Variants in LYST observed in about 807,000 individuals in gnomAD.
The protein encoded by LYST is lysosomal trafficking regulator, also known as lysosomal-trafficking regulator.
A neutral mutation model predicts 413.6 loss-of-function variants in LYST; 192 were observed. That is an observed-to-expected ratio of 0.46 (90% CI 0.41 to 0.52). The LOEUF is 0.52. LYST is among the 20% of genes least tolerant of loss of function. The pLI, the probability that LYST is intolerant of heterozygous loss-of-function variation, is 0.00. For missense variants in LYST, 3,815 were observed against 4,499.9 expected (o/e 0.85, Z 4.35); for synonymous variants, 1,525 against 1,567.3 (o/e 0.97, Z 0.64).
intron 1 of LYST, among the ~76,000 whole-genome samples, chr1:235,852,167 T>C (rs1225098208): frequency 6.6e-6 from 1 of 152,164 alleles, no homozygotes; most frequent in African/African-American, 2.4e-5. Context: ...ATACTAACAT[T>C]GGGACAGCTT....
intron 1 of LYST, 98 bp downstream of exon 1, chr1:235,866,745 A>C (rs3738521): frequency 6.6e-6 from 1 of 151,802 alleles, no homozygotes; most frequent in African/African-American, 2.4e-5. Context: ...CCAGGCTGAC[A>C]GCCACCAGCC....
chr1:235,846,964 A>G (rs974804417), intron 1 of LYST, among the ~76,000 whole-genome samples: 2 of 152,180 alleles, frequency 1.3e-5, no homozygotes, highest in Non-Finnish European at 2.9e-5. Context: ...TGGGTGGATA[A>G]TTGAGGAAAA....
chr1:235,880,958 T>C (rs896945786), intron 1 of LYST, among the ~76,000 whole-genome samples: 8 of 152,050 alleles, frequency 5.3e-5, no homozygotes, highest in African/African-American at 1.9e-4. Context: ...AAACCCCATC[T>C]CTACAAAAAA....
chr1:235,787,604 C>T (rs1670558578), intron 13 of LYST, among the ~76,000 whole-genome samples: 1 of 151,864 alleles, frequency 6.6e-6, no homozygotes, highest in African/African-American at 2.4e-5. Flanking sequence ...GGCTGGTAGT[C>T]ATAATTTAGG....
intron 40 of LYST, among the ~76,000 whole-genome samples, chr1:235,717,213 G>T (rs1012265834): frequency 6.6e-6 from 1 of 152,156 alleles, no homozygotes; most frequent in African/African-American, 2.4e-5. Context: ...AACAGAGGAA[G>T]ATGCTGTGTT....
intron 38 of LYST, among the ~76,000 whole-genome samples, chr1:235,726,113 T>C (rs910052879): frequency 3.3e-5 from 5 of 152,332 alleles, no homozygotes; most frequent in African/African-American, 1.2e-4. Context: ...TAGTTTTCTT[T>C]TTTAAATCAG....
chr1:235,751,302 G>A lies in LYST; in HGVS notation c.7688C>T (p.Thr2563Ile), dbSNP rs761280851. The change falls in exon 28 of 53, where the codon ACC (threonine) becomes ATC (isoleucine). Residue 2563 changes from threonine (T) to isoleucine (I), a missense_variant. Thr to Ile is a moderately conservative substitution (Grantham distance 89). Coordinates refer to ENST00000389793, the MANE Select transcript of LYST (RefSeq NM_000081.4). The stretch of plus-strand genomic sequence containing the variant: ...GAGGTTTTCAGAGTCATGATTTGCG[G>A]TGGTCCTTATAAATTCCATAGCAGC... ...LQAAMEFIRT[T>I]ANHDSENLTD... 33 of 1,613,454 alleles carry A rather than the reference G, an allele frequency of 2.0e-5. No individual in the cohort carries two copies. Among genetic ancestry groups the A allele is most frequent in the Middle Eastern group, 1.6e-4 (1 of 6,076 alleles).
At position 235,715,426 on chromosome 1, in the gene LYST, T is replaced by C. The variant is rs1662750897; in HGVS notation, c.9628-69A>G. On this transcript the variant is annotated intron_variant, in intron 41 of 52. Transcript: ENST00000389793. ...CAGGCAACGCTAGAAAAGTGCTGGA[T>C]GTTTTTTTTTCTCTCCTTCTCTACT... 19 of 1,494,578 alleles carry C rather than the reference T, an allele frequency of 1.3e-5. No homozygotes were observed. The South Asian group carries it at 2.2e-4, about 17-fold the overall frequency. The allele number at this position is 1,494,578 out of a possible 1,614,324, so 92.6% of individuals were successfully genotyped here.
intron 17 of LYST, among the ~76,000 whole-genome samples, chr1:235,775,388 C>T (rs535326577): frequency 5.3e-5 from 8 of 152,224 alleles, no homozygotes; most frequent in Admixed American, 1.3e-4. Context: ...AGTCAATAGA[C>T]AGGCTCTGCA....
Position 235,663,108 on chromosome 1 carries a change from C to T in LYST, c.11268-30G>A, listed in dbSNP as rs192662118. Reference sequence around the variant, plus strand: ...AAAAAAAAAAAAATTCCCATTTGTACATTATATTTCTTAAAAGTGTATTAG... The same window carrying T: ...AAAAAAAAAAAAATTCCCATTTGTATATTATATTTCTTAAAAGTGTATTAG... On this transcript the variant is annotated intron_variant, in intron 52 of 52. Coordinates refer to ENST00000389793, the MANE Select transcript of LYST (RefSeq NM_000081.4). 4.9e-4 allele frequency: 702 copies of T among 1,441,342 alleles called. 3 individuals are homozygous for T. The Middle Eastern group carries it at 6.7e-3, about 14-fold the overall frequency. The allele number at this position is 1,441,342 out of a possible 1,614,324, so 89.3% of individuals were successfully genotyped here. A position where few individuals can be genotyped will look rare whatever the true frequency, so the allele number is the denominator to read the frequency against.
At chr1:235,850,256 A>G (rs964863533) in intron 1 of LYST, among the ~76,000 whole-genome samples, 1 of 152,184 alleles carries the variant, frequency 6.6e-6, no homozygotes, top group Admixed American at 6.5e-5. Context: ...GACAAAGCAA[A>G]CAAAAACATA....
chr1:235,785,047 C>T (rs1369093685), intron 14 of LYST, among the ~76,000 whole-genome samples: 1 of 152,208 alleles, frequency 6.6e-6, no homozygotes, highest in Admixed American at 6.5e-5. Flanking sequence ...CAAGCTCCTG[C>T]TCCCTGTCTC....
chr1:235,687,113 A>G (rs1490134484), intron 47 of LYST, 66 bp from the exon 48 acceptor site: 1 of 1,119,532 alleles, frequency 8.9e-7, no homozygotes, highest in Non-Finnish European at 1.3e-6. Flanking sequence ...TATAATAAAA[A>G]TAAAATAAAA....
intron 14 of LYST, among the ~76,000 whole-genome samples, chr1:235,785,982 A>G (rs148843615): frequency 6.6e-6 from 1 of 152,332 alleles, no homozygotes; most frequent in Non-Finnish European, 1.5e-5. Flanking sequence ...CTAGCACTCT[A>G]TCTGAATCTA....
At chr1:235,869,503 C>T (rs897472733), upstream of LYST, among the ~76,000 whole-genome samples, 1 of 152,160 alleles carries the variant, frequency 6.6e-6, no homozygotes, top group Non-Finnish European at 1.5e-5. Flanking sequence ...AAAAGCTCTA[C>T]TTACGCATGT....
intron 1 of LYST, among the ~76,000 whole-genome samples, chr1:235,846,236 G>A (rs1677847570): frequency 1.3e-5 from 2 of 152,074 alleles, no homozygotes. Flanking sequence ...CTGGAGCCAG[G>A]GAGACTCGCT....
At chr1:235,677,944 G>A (rs1441910283) in intron 48 of LYST, among the ~76,000 whole-genome samples, 3 of 151,620 alleles carry the variant, frequency 2.0e-5, no homozygotes, top group Non-Finnish European at 4.4e-5. Context: ...TCTTGACATT[G>A]TCTTCAAAAT....
intron 1 of LYST, among the ~76,000 whole-genome samples, chr1:235,882,806 CAT>C (rs1195368755): frequency 3.9e-5 from 6 of 152,224 alleles, no homozygotes; most frequent in African/African-American, 9.7e-5. Context: ...AAACATCCCA[CAT>C]GAGTCCATCT....
intron 36 of LYST, among the ~76,000 whole-genome samples, chr1:235,730,603 GTGTGTGTGTGTA>G (rs1337876591): frequency 4.7e-5 from 4 of 86,000 alleles, no homozygotes; most frequent in African/African-American, 5.3e-5. Flanking sequence ...GTGTGTGTGT[GTGTGTGTGTGTA>G]TATGTAAACT....
Sources: allele counts gnomAD v4.1 joint callset (sites outside exome capture counted in the v4.1 genomes callset), GRCh38; gene constraint gnomAD v4.1.1; transcripts MANE v1.5; gene names NCBI Gene and HGNC (gene_info 2026-07-23, HGNC 2026-07-21).